The following ZNF311 variants were observed in gnomAD, a reference collection of about 807,000 sequenced individuals.
ZNF311 encodes zinc finger protein 311, also known as zinc finger protein zfp31.
ZNF311 carries 14 observed loss-of-function variants against 22.7 expected under a neutral mutation model. That is an observed-to-expected ratio of 0.62 (90% CI 0.41 to 0.96). The LOEUF (loss-of-function observed/expected upper bound fraction) is 0.96. ZNF311 is among the 40% of genes least tolerant of loss of function. The pLI is 0.00. For synonymous variants in ZNF311, 250 were observed against 275.3 expected, an observed-to-expected ratio of 0.91 and a Z score of 0.91; for missense variants, 731 against 799.0, an observed-to-expected ratio of 0.91 and a Z score of 1.03.
chr6:28,995,903 C>G lies in ZNF311; in HGVS notation c.1099G>C (p.Ala367Pro). 1 of 1,613,932 alleles carries G rather than the reference C, an allele frequency of 6.2e-7. No homozygotes were observed. Among genetic ancestry groups the G allele is most frequent in the Non-Finnish European group, 8.5e-7 (1 of 1,180,020 alleles). The part of the protein sequence containing the change: ...KPYKCNCCGK[A>P]FQFKHSLTIH... Reference sequence around the variant, plus strand: ...GTAAGGGAATGCTTAAACTGGAAGGCCTTCCCACAGCAGTTACATTTGTAA... The same window carrying G: ...GTAAGGGAATGCTTAAACTGGAAGGGCTTCCCACAGCAGTTACATTTGTAA... The change falls in exon 7 of 7, where the codon GCC (alanine) becomes CCC (proline). Residue 367 changes from alanine (A) to proline (P), a missense_variant. Physicochemically the swap from Ala to Pro is conservative, Grantham distance 27. Transcript: ENST00000377179. The surrounding 1 kb of genome is among the most constrained non-coding windows in gnomAD (Gnocchi z 4.7).
At position 28,995,323 on chromosome 6, in the gene ZNF311, C is replaced by T; in HGVS notation, c.1679G>A (p.Cys560Tyr). ...TGEKPHKCEVCGMAFHHSSVL... is the reference protein window; with the variant it reads ...TGEKPHKCEVYGMAFHHSSVL... ...TGAACTATGATGGAAGGCCATTCCACATACCTCACATTTGTGAGGCTTCTC... is the reference window on the plus strand; with the variant it reads ...TGAACTATGATGGAAGGCCATTCCATATACCTCACATTTGTGAGGCTTCTC... The change falls in exon 7 of 7, where the codon TGT becomes TAT. Residue 560 changes from cysteine (C) to tyrosine (Y), a missense_variant. By Grantham distance (194) the Cys-to-Tyr change is radical. Coordinates refer to ENST00000377179, the MANE Select transcript of ZNF311 (RefSeq NM_001382360.1). The surrounding 1 kb of genome is among the most constrained non-coding windows in gnomAD (Gnocchi z 4.7). 6.2e-7 allele frequency: 1 copy of T among 1,614,058 alleles called. No homozygotes were observed. The highest frequency in any genetic ancestry group is 1.3e-5 in the African/African-American group (1 of 75,046).
intron 3 of ZNF311, among the ~76,000 whole-genome samples, chr6:29,002,804 A>T (rs543822057): frequency 1.3e-5 from 2 of 152,158 alleles, no homozygotes; most frequent in Non-Finnish European, 2.9e-5. Context: ...TATTTTTAGT[A>T]GAGATGGGGT....
In ZNF311 at chr6:29,004,086, G is replaced by C. The variant is rs983428063; in HGVS notation, c.-132C>G. 4 of 1,596,860 alleles carry C rather than the reference G, an allele frequency of 2.5e-6. 1 individual carries two copies. On this transcript the variant is annotated 5_prime_UTR_variant, in exon 2 of 7. Transcript: ENST00000377179. The stretch of plus-strand genomic sequence containing the variant: ...GCCTCCTTTGGAGAACACATGTTTT[G>C]GTGGTGCCAGCCAAAGGGCCCTTCT...
At position 28,995,979 on chromosome 6, in the gene ZNF311, C is replaced by T. The variant is rs757942341; in HGVS notation, c.1023G>A (p.Lys341=). Residue 341 remains lysine, a synonymous_variant, in exon 7 of 7, where the codon AAG becomes AAA. Coordinates refer to ENST00000377179, the MANE Select transcript of ZNF311 (RefSeq NM_001382360.1). The surrounding 1 kb of genome is among the most constrained non-coding windows in gnomAD (Gnocchi z 4.7). ...HECRDCGKAF[K]TRNRLCMHQL... ...GATGCATACAGAGACGGTTCCTGGT[C>T]TTGAAGGCCTTCCCACAGTCCCTGC... The T allele has an allele frequency of 1.2e-6, 2 of 1,613,648 alleles. No individual in the cohort carries two copies. Among genetic ancestry groups the T allele is most frequent in the Non-Finnish European group, 1.7e-6 (2 of 1,179,996 alleles).
Position 28,996,448 on chromosome 6 carries a change from C to G in ZNF311, c.554G>C (p.Cys185Ser). The G allele has an allele frequency of 1.9e-6, 3 of 1,609,822 alleles. No homozygotes were observed. The highest frequency in any genetic ancestry group is 2.5e-6 in the Non-Finnish European group (3 of 1,180,034). The change falls in exon 7 of 7, where the codon TGT (cysteine) becomes TCT (serine). Residue 185 changes from cysteine to serine, a missense_variant. Cys to Ser is a moderately radical substitution (Grantham distance 112). Coordinates refer to ENST00000377179, the MANE Select transcript of ZNF311 (RefSeq NM_001382360.1). The part of the protein sequence containing the change: ...DSRDPKVREV[C>S]VQDVKLENQW... ...ATTCTCTAATTTGACATCCTGAACA[C>G]AAACTTCTCTAACCTTAGGATCCCG...
chr6:28,996,561 C>A lies in ZNF311; in HGVS notation c.441G>T (p.Glu147Asp). The change falls in exon 7 of 7, where the codon GAG becomes GAT. Residue 147 changes from glutamate (E) to aspartate (D), a missense_variant. Glu to Asp is a conservative substitution (Grantham distance 45). Coordinates refer to ENST00000377179, the MANE Select transcript of ZNF311 (RefSeq NM_001382360.1). ...YPVSADKMWP[E>D]NEKASSQQEI... ...CTTGTTGTGAACTTGCCTTTTCATT[C>A]TCAGGCCACATCTTGTCAGCTGACA... 1 of 1,600,746 alleles carries A rather than the reference C, an allele frequency of 6.2e-7. No individual in the cohort carries two copies. Among genetic ancestry groups the A allele is most frequent in the Non-Finnish European group, 8.5e-7 (1 of 1,178,856 alleles).
In ZNF311 at chr6:28,995,993, C is replaced by G; in HGVS notation, c.1009G>C (p.Gly337Arg). Residue 337 changes from glycine to arginine, a missense_variant, in exon 7 of 7, where the codon GGG becomes CGG. By Grantham distance (125) the Gly-to-Arg change is moderately radical (BLOSUM62 -2). Transcript: ENST00000377179. The surrounding 1 kb of genome is among the most constrained non-coding windows in gnomAD (Gnocchi z 4.7). ...CGGTTCCTGGTCTTGAAGGCCTTCC[C>G]ACAGTCCCTGCACTCGTGAGGCTTC... ...GEKPHECRDC[G>R]KAFKTRNRLC... 6.2e-7 allele frequency: 1 copy of G among 1,613,706 alleles called. No individual in the cohort carries two copies. Among genetic ancestry groups the G allele is most frequent in the Non-Finnish European group, 8.5e-7 (1 of 1,180,038 alleles).
chr6:28,995,618 T>C lies in ZNF311; in HGVS notation c.1384A>G (p.Arg462Gly), dbSNP rs1302869166. Residue 462 changes from arginine to glycine, a missense_variant, in exon 7 of 7, where the codon AGA becomes GGA. Transcript: ENST00000377179. This position sits in a 1 kb window ranked among gnomAD's most constrained non-coding sequence, Gnocchi z 4.7. ...CGTTTCTCTTCAGTGTGGATCCTTC[T>C]GTGTTTGGTGAGTTCTGCCTTGATG... ...FSIKAELTKH[R>G]RIHTEEKRYR... 1.9e-6 allele frequency: 3 copies of C among 1,613,476 alleles called. No individual in the cohort carries two copies. Among genetic ancestry groups the C allele is most frequent in the South Asian group, 1.1e-5 (1 of 91,078 alleles).
intron 6 of ZNF311, among the ~76,000 whole-genome samples, chr6:28,997,503 C>T (rs1779778728): frequency 6.6e-6 from 1 of 152,194 alleles, no homozygotes; most frequent in Non-Finnish European, 1.5e-5. Context: ...TCTATCTCTT[C>T]CTCTTTATTT....
intron 3 of ZNF311, among the ~76,000 whole-genome samples, chr6:29,000,477 A>ATG (rs1252146953): frequency 6.6e-6 from 1 of 152,118 alleles, no homozygotes; most frequent in African/African-American, 2.4e-5. Flanking sequence ...ATGCACGCGT[A>ATG]TGTGTGTGTG....
chr6:29,002,443 G>T (rs1780576227), intron 3 of ZNF311, among the ~76,000 whole-genome samples: 1 of 152,118 alleles, frequency 6.6e-6, no homozygotes, highest in South Asian at 2.1e-4. Context: ...TCCTCTAGAT[G>T]TTTCAACACT....
Position 29,000,011 on chromosome 6 carries a change from T to A in ZNF311, c.128A>T (p.Asp43Val), listed in dbSNP as rs557084369. 6.7e-5 allele frequency: 108 copies of A among 1,613,772 alleles called. No homozygotes were observed. In the South Asian group the frequency reaches 1.1e-3, roughly 17 times the overall value. Residue 43 changes from aspartate to valine, a missense_variant, in exon 4 of 7, where the codon GAT becomes GTT. Physicochemically the swap from Asp to Val is radical, Grantham distance 152 (BLOSUM62 -3). Coordinates refer to ENST00000377179, the MANE Select transcript of ZNF311 (RefSeq NM_001382360.1). The part of the protein sequence containing the change: ...LPAPYPAFTK[D>V]GSQGNLPQAD... ...TTGCGGCAGGTTTCCTTGGCTTCCA[T>A]CTTTAGTGAAGGCAGGATATGGAGC... is the stretch of plus-strand genomic sequence containing the variant.
upstream of ZNF311, among the ~76,000 whole-genome samples, chr6:29,005,499 G>A (rs1351295762): frequency 6.6e-6 from 1 of 151,898 alleles, no homozygotes; most frequent in Non-Finnish European, 1.5e-5. Context: ...GGTGAGGGGG[G>A]CGACGGCGGC....
At position 28,999,959 on chromosome 6, in the gene ZNF311, G is replaced by C. The variant is rs745707969; in HGVS notation, c.180C>G (p.Ala60=). 1 of 1,612,788 alleles carries C rather than the reference G, an allele frequency of 6.2e-7. No individual in the cohort carries two copies. Among genetic ancestry groups the C allele is most frequent in the African/African-American group, 1.3e-5 (1 of 75,012 alleles). The change falls in exon 4 of 7, where the codon GCC becomes GCG. Residue 60 remains alanine, a synonymous_variant. Coordinates refer to ENST00000377179, the MANE Select transcript of ZNF311 (RefSeq NM_001382360.1). ...GAGGAAAGGGGCCTCAGCTCACTTGGGCCTGGCTCATTAGTGTGATATCTG... is the reference window on the plus strand; with the variant it reads ...GAGGAAAGGGGCCTCAGCTCACTTGCGCCTGGCTCATTAGTGTGATATCTG... The part of the protein sequence containing the change: ...PQADITLMSQ[A]QESVTFEDVA...
intron 1 of ZNF311, 35 bp from the exon 2 acceptor site, chr6:29,004,249 C>A: frequency 7.4e-7 from 1 of 1,350,550 alleles, no homozygotes; most frequent in Non-Finnish European, 9.5e-7. Context: ...AGGAATGTGA[C>A]CACAGGAAAA....
intron 3 of ZNF311, 49 bp from the exon 4 acceptor site, chr6:29,000,096 A>C (rs773833729): frequency 6.5e-7 from 1 of 1,541,296 alleles, no homozygotes; most frequent in Non-Finnish European, 8.9e-7. Context: ...AGTATTAATG[A>C]AATCTCCTGC....
At position 28,995,595 on chromosome 6, in the gene ZNF311, T is replaced by C. The variant is rs1431615720; in HGVS notation, c.1407A>G (p.Lys469=). 6.2e-7 allele frequency: 1 copy of C among 1,613,552 alleles called. No homozygotes were observed. The highest frequency in any genetic ancestry group is 2.2e-5 in the East Asian group (1 of 44,858). ...TKHRRIHTEE[K]RYRCEECGKA... ...TCCCACACTCCTCACACCTGTAACG[T>C]TTCTCTTCAGTGTGGATCCTTCTGT... The change falls in exon 7 of 7, where the codon AAA becomes AAG. Residue 469 remains lysine, a synonymous_variant. Transcript: ENST00000377179. The surrounding 1 kb of genome is among the most constrained non-coding windows in gnomAD (Gnocchi z 4.7).
At chr6:29,005,439 T>C (rs1219729537), upstream of ZNF311, 2 of 151,786 alleles carry the variant, frequency 1.3e-5, no homozygotes, top group African/African-American at 4.8e-5. Flanking sequence ...TCCTCAAATC[T>C]GGCCCCAAAG....
chr6:29,002,054 T>C lies in ZNF311; in HGVS notation c.91+1459A>G, dbSNP rs115274257. Among the ~76,000 whole-genome samples, 1,118 of 152,370 alleles carry C rather than the reference T, an allele frequency of 7.3e-3. 8 individuals carry two copies. Among genetic ancestry groups the C allele is most frequent in the Non-Finnish European group, 0.01 (695 of 68,036 alleles). The stretch of plus-strand genomic sequence containing the variant: ...CACAACTGGGAAAGTCTGTCACTCA[T>C]AGTGATTCATAAGCTTTATTTTTTA... On this transcript the variant is annotated intron_variant, in intron 3 of 6. Transcript: ENST00000377179.
Sources: allele counts gnomAD v4.1 joint callset (sites outside exome capture counted in the v4.1 genomes callset), GRCh38; gene constraint gnomAD v4.1.1; non-coding constraint Gnocchi (gnomAD v3.1); transcripts MANE v1.5; gene names NCBI Gene and HGNC (gene_info 2026-07-23, HGNC 2026-07-21).